The following AGBL4 variants were observed in gnomAD, a reference collection of about 807,000 sequenced individuals.
The protein encoded by AGBL4 is AGBL carboxypeptidase 4, also known as cytosolic carboxypeptidase 6.
Under a neutral mutation model 66.4 loss-of-function variants are expected in AGBL4, and 58 were observed. The ratio of observed to expected loss-of-function variants is 0.87; its 90% CI spans 0.71 to 1.09. AGBL4 has a LOEUF of 1.09. AGBL4 is among the 50% of genes least tolerant of loss of function. AGBL4 has a pLI of 0.00. For synonymous variants in AGBL4, 234 were observed against 222.9 expected (o/e 1.05, Z -0.44); for missense variants, 579 against 631.0 (o/e 0.92, Z 0.88).
At chr1:48,616,999 C>T (rs913238215) in intron 9 of AGBL4, among the ~76,000 whole-genome samples, 2 of 151,956 alleles carry the variant, frequency 1.3e-5, no homozygotes, top group Non-Finnish European at 2.9e-5. Flanking sequence ...CCCCAAAGCA[C>T]ATCATAGTAG....
At chr1:49,878,440 G>T (rs1218023140) in intron 1 of AGBL4, among the ~76,000 whole-genome samples, 1 of 151,698 alleles carries the variant, frequency 6.6e-6, no homozygotes, top group Non-Finnish European at 1.5e-5. Flanking sequence ...TCAGGAGCAG[G>T]TTGTTCAGTT....
chr1:48,708,047 T>C (rs1646908199), intron 6 of AGBL4, among the ~76,000 whole-genome samples: 1 of 152,184 alleles, frequency 6.6e-6, no homozygotes, highest in African/African-American at 2.4e-5. Context: ...ATTTTTCAGA[T>C]GTGGAAACTG....
chr1:49,697,571 C>A, intron 2 of AGBL4, 134 bp from the exon 3 acceptor site: 1 of 739,316 alleles, frequency 1.4e-6, no homozygotes, highest in East Asian at 2.9e-5. Context: ...TGTTCACAAT[C>A]CAAAGGGCTG....
At chr1:48,913,636 GT>G (rs1653339923) in intron 5 of AGBL4, among the ~76,000 whole-genome samples, 1 of 152,142 alleles carries the variant, frequency 6.6e-6, no homozygotes, top group Non-Finnish European at 1.5e-5. Context: ...AGATGGGACT[GT>G]TTTAGTTGCA....
intron 3 of AGBL4, among the ~76,000 whole-genome samples, chr1:49,360,291 C>T (rs1311498261): frequency 6.6e-6 from 1 of 152,120 alleles, no homozygotes; most frequent in Admixed American, 6.5e-5. Flanking sequence ...TTTCTTCAAG[C>T]CTCAGTTTCC....
At chr1:49,390,365 T>C (rs903282806) in intron 3 of AGBL4, among the ~76,000 whole-genome samples, 3 of 152,178 alleles carry the variant, frequency 2.0e-5, no homozygotes, top group Admixed American at 6.5e-5. Flanking sequence ...GGATGATCAA[T>C]GATAGGAAAA....
chr1:48,898,886 C>G (rs1222555259), intron 5 of AGBL4, among the ~76,000 whole-genome samples: 1 of 152,190 alleles, frequency 6.6e-6, no homozygotes, highest in Non-Finnish European at 1.5e-5. Flanking sequence ...TCAAGAGCGT[C>G]GCTCTCCAGG....
intron 6 of AGBL4, among the ~76,000 whole-genome samples, chr1:48,775,998 G>A (rs567047622): frequency 2.0e-4 from 30 of 152,356 alleles, no homozygotes; most frequent in Admixed American, 1.1e-3. Flanking sequence ...GCAGGAGAGT[G>A]TGGTGTGGAG....
chr1:48,683,034 A>C (rs1267323531), intron 6 of AGBL4, among the ~76,000 whole-genome samples: 1 of 152,248 alleles, frequency 6.6e-6, no homozygotes, highest in Non-Finnish European at 1.5e-5. Context: ...AACACTAAAA[A>C]GAACAGTGGG....
rs543804751 is a variant in AGBL4 at position 48,969,338 on chromosome 1, G to A, written c.594+76246C>T. On this transcript the variant is annotated intron_variant, in intron 5 of 13. Transcript: ENST00000371839. ...TCTTCCTCAGTGCCCTCTATTTGTC[G>A]GAAATGCACTCTTTGCAGTCTCCTT... 7.2e-5 allele frequency among the ~76,000 whole-genome samples: 11 copies of A among 152,110 alleles called. No homozygotes were observed. The East Asian group carries it at 7.7e-4, about 11-fold the overall frequency.
chr1:49,033,408 G>C (rs77825686), intron 5 of AGBL4, among the ~76,000 whole-genome samples: 1,899 of 152,220 alleles, frequency 0.012, 36 homozygotes, highest in African/African-American at 0.043. Context: ...TCATATGTTT[G>C]CTTGGTCATG....
intron 3 of AGBL4, among the ~76,000 whole-genome samples, chr1:49,320,843 C>T (rs1443961835): frequency 1.3e-5 from 2 of 151,966 alleles, no homozygotes; most frequent in Non-Finnish European, 2.9e-5. Context: ...CTGGGGAGGC[C>T]TCAGGAAATT....
chr1:49,024,719 G>A (rs548606948), intron 5 of AGBL4, among the ~76,000 whole-genome samples: 1 of 152,240 alleles, frequency 6.6e-6, no homozygotes, highest in East Asian at 1.9e-4. Context: ...TGCCTTCGGG[G>A]AGCTTGGAGT....
chr1:48,947,067 T>C (rs116908116), intron 5 of AGBL4, among the ~76,000 whole-genome samples: 1 of 152,348 alleles, frequency 6.6e-6, no homozygotes, highest in East Asian at 1.9e-4. Flanking sequence ...CCCCAGAACA[T>C]GCTTCTCTCT....
At chr1:49,232,328 C>G (rs1650378574) in intron 4 of AGBL4, among the ~76,000 whole-genome samples, 2 of 152,064 alleles carry the variant, frequency 1.3e-5, no homozygotes, top group Admixed American at 6.6e-5. Flanking sequence ...ATTATAAACC[C>G]TAAATTCAAG....
chr1:48,763,348 T>G (rs574982523), intron 6 of AGBL4, among the ~76,000 whole-genome samples: 1 of 152,056 alleles, frequency 6.6e-6, no homozygotes, highest in South Asian at 2.1e-4. Context: ...GGACTCAGGG[T>G]TTTCTAAAAG....
intron 6 of AGBL4, among the ~76,000 whole-genome samples, chr1:48,722,970 A>G (rs974489842): frequency 1.3e-5 from 2 of 152,184 alleles, no homozygotes; most frequent in Non-Finnish European, 2.9e-5. Flanking sequence ...GATAGATATT[A>G]CTATTCCCGT....
At chr1:49,130,750 T>C (rs1645874818) in intron 4 of AGBL4, among the ~76,000 whole-genome samples, 1 of 152,140 alleles carries the variant, frequency 6.6e-6, no homozygotes, top group Non-Finnish European at 1.5e-5. Context: ...GGTAGCGTGA[T>C]GCCTCCAGCT....
chr1:48,736,225 A>C lies in AGBL4; in HGVS notation c.635-72984T>G. 6.2e-7 allele frequency: 1 copy of C among 1,609,732 alleles called. No homozygotes were observed. The highest frequency in any genetic ancestry group is 8.5e-7 in the Non-Finnish European group (1 of 1,176,164). On this transcript the variant is annotated intron_variant, in intron 6 of 13. Transcript: ENST00000371839. This position sits in a 1 kb window ranked among gnomAD's most constrained non-coding sequence, Gnocchi z 4.0. Reference sequence around the variant, plus strand: ...ACAGAATCCCAGCCATTGTGTTTCCACTCAGTGACCTACCTCTGACGATGC... The same window carrying C: ...ACAGAATCCCAGCCATTGTGTTTCCCCTCAGTGACCTACCTCTGACGATGC...
Sources: allele counts gnomAD v4.1 joint callset (sites outside exome capture counted in the v4.1 genomes callset), GRCh38; gene constraint gnomAD v4.1.1; non-coding constraint Gnocchi (gnomAD v3.1); transcripts MANE v1.5; gene names NCBI Gene and HGNC (gene_info 2026-07-23, HGNC 2026-07-21).